SLC5A9: variants seen among roughly 807,000 people sequenced by gnomAD.
SLC5A9 encodes sodium/glucose cotransporter 4.
Under a neutral mutation model 70.9 loss-of-function variants are expected in SLC5A9, and 59 were observed. That is an observed-to-expected ratio of 0.83 (90% CI 0.68 to 1.03). The LOEUF (loss-of-function observed/expected upper bound fraction) is 1.03, where lower values mean the gene tolerates loss of function less well. Among genes scored for constraint, SLC5A9 ranks in the 50% least tolerant of loss-of-function variants. The pLI is 0.00. For synonymous variants in SLC5A9, 340 were observed against 346.5 expected, an observed-to-expected ratio of 0.98 and a Z score of 0.21; for missense variants, 832 against 881.1, an observed-to-expected ratio of 0.94 and a Z score of 0.71.
At position 48,230,660 on chromosome 1, in the gene SLC5A9, T is replaced by C; in HGVS notation, c.565T>C (p.Ser189Pro). The C allele has an allele frequency of 1.2e-6, 2 of 1,614,028 alleles. No individual in the cohort carries two copies. The highest frequency in any genetic ancestry group is 1.3e-5 in the African/African-American group (1 of 75,006). ...QMALGWNLYLSTGILLVVTAV... is the reference protein window; with the variant it reads ...QMALGWNLYLPTGILLVVTAV... Reference sequence around the variant, plus strand: ...GGCATTGGGCTGGAACCTGTACCTCTCCACAGGGATCCTGCTGGTGGTGAC... The same window carrying C: ...GGCATTGGGCTGGAACCTGTACCTCCCCACAGGGATCCTGCTGGTGGTGAC... Residue 189 changes from serine (S) to proline (P), a missense_variant, in exon 5 of 14, where the codon TCC (serine) becomes CCC (proline). Physicochemically the swap from Ser to Pro is moderately conservative, Grantham distance 74. Coordinates refer to ENST00000438567, the MANE Select transcript of SLC5A9 (RefSeq NM_001011547.3).
chr1:48,227,626 AGAGT>A (rs145394820), intron 2 of SLC5A9, among the ~76,000 whole-genome samples: 328 of 138,200 alleles, frequency 2.4e-3, no homozygotes, highest in Non-Finnish European at 2.2e-3. Context: ...TGCATGTGTG[AGAGT>A]GTGTGTGTAC....
chr1:48,235,862 G>A lies in SLC5A9; in HGVS notation c.1275G>A (p.Glu425=). The A allele has an allele frequency of 6.2e-7, 1 of 1,614,186 alleles. No individual in the cohort carries two copies. Among genetic ancestry groups the A allele is most frequent in the Non-Finnish European group, 8.5e-7 (1 of 1,180,048 alleles). The change falls in exon 10 of 14, where the codon GAG becomes GAA. Residue 425 remains glutamate (E), a synonymous_variant. Coordinates refer to ENST00000438567, the MANE Select transcript of SLC5A9 (RefSeq NM_001011547.3). ...TCCGCAGGAAGTCAACAGAGCAGGA[G>A]CTGATGGTGGTGGGCAGGTGCGCCG... ...QRFRRKSTEQ[E]LMVVGRVFVV... is the part of the protein sequence containing the mutation.
At chr1:48,226,693 C>G (rs1390383941) in intron 2 of SLC5A9, among the ~76,000 whole-genome samples, 1 of 152,198 alleles carries the variant, frequency 6.6e-6, no homozygotes, top group African/African-American at 2.4e-5. Flanking sequence ...CCGTCCTCTT[C>G]CAGAGAGGTC....
At position 48,222,912 on chromosome 1, in the gene SLC5A9, G is replaced by A. The variant is rs758470692; in HGVS notation, c.162+14G>A. 6.2e-7 allele frequency: 1 copy of A among 1,613,684 alleles called. No individual in the cohort carries two copies. Among genetic ancestry groups the A allele is most frequent in the Admixed American group, 1.7e-5 (1 of 60,000 alleles). On this transcript the variant is annotated intron_variant, in intron 1 of 13. Transcript: ENST00000438567. ...GTGGGGATCTGGGTAAGTGGGCCCTGAGGCTGGGGCTAGCAGGGGAGGTAG... is the reference window on the plus strand; with the variant it reads ...GTGGGGATCTGGGTAAGTGGGCCCTAAGGCTGGGGCTAGCAGGGGAGGTAG...
chr1:48,230,529 A>C (rs1569829355), intron 4 of SLC5A9, 71 bp from the exon 5 acceptor site: 3 of 979,638 alleles, frequency 3.1e-6, no homozygotes, highest in Non-Finnish European at 4.9e-6. Flanking sequence ...CTGGGCAGGC[A>C]GGTGATGTGT....
At position 48,224,777 on chromosome 1, in the gene SLC5A9, G is replaced by T. The variant is rs376518317; in HGVS notation, c.216G>T (p.Arg72Ser). The T allele has an allele frequency of 3.5e-5, 56 of 1,613,940 alleles. No homozygotes were observed. Among genetic ancestry groups the T allele is most frequent in the Non-Finnish European group, 4.6e-5 (54 of 1,180,018 alleles). ...GTIGGYFLAG[R>S]SMSWWPIGAS... is the part of the protein sequence containing the mutation. ...TTGGCGGCTATTTCCTGGCCGGGAG[G>T]TCCATGAGCTGGTGGCCAGTGAGTT... Residue 72 changes from arginine to serine, a missense_variant, in exon 2 of 14, where the codon AGG (arginine) becomes AGT (serine). Physicochemically the swap from Arg to Ser is moderately radical, Grantham distance 110 (BLOSUM62 -1). Coordinates refer to ENST00000438567, the MANE Select transcript of SLC5A9 (RefSeq NM_001011547.3).
chr1:48,247,631 C>A lies in SLC5A9; in HGVS notation c.*88C>A. 1 of 1,359,936 alleles carries A rather than the reference C, an allele frequency of 7.4e-7. No individual in the cohort carries two copies. The highest frequency in any genetic ancestry group is 1.8e-4 in the Middle Eastern group (1 of 5,494). The allele number at this position is 1,359,936 out of a possible 1,614,324, so 84.2% of individuals were successfully genotyped here. On this transcript the variant is annotated 3_prime_UTR_variant, in exon 14 of 14. Transcript: ENST00000438567. ...ACAGGCTCTCCTCTTACTTTGCTGT[C>A]TAAACTGGAGATCACAGAAGTCAAG... is the stretch of plus-strand genomic sequence containing the variant.
intron 1 of SLC5A9, among the ~76,000 whole-genome samples, chr1:48,223,152 G>A (rs11807747): frequency 6.6e-6 from 1 of 152,064 alleles, no homozygotes; most frequent in East Asian, 1.9e-4. Flanking sequence ...TCCTCTCTGA[G>A]CACCTGCTGC....
At position 48,237,903 on chromosome 1, in the gene SLC5A9, G is replaced by C. The variant is rs973451264; in HGVS notation, c.1461+56G>C. On this transcript the variant is annotated intron_variant, in intron 11 of 13. Transcript: ENST00000438567. The stretch of plus-strand genomic sequence containing the variant: ...AGCAGAGGGGCTGGAGACCTGGTCT[G>C]TCAATCACCTGGTCTCTGTGACCTT... The C allele has an allele frequency of 1.9e-5, 30 of 1,564,252 alleles. No homozygotes were observed. In the African/African-American group the frequency reaches 3.2e-4, roughly 17 times the overall value.
At chr1:48,246,798 G>A (rs1276881777) in intron 13 of SLC5A9, among the ~76,000 whole-genome samples, 1 of 152,206 alleles carries the variant, frequency 6.6e-6, no homozygotes, top group African/African-American at 2.4e-5. Context: ...TGATACATTT[G>A]AGACAGAAAG....
At chr1:48,229,666 G>A (rs1644220377) in intron 4 of SLC5A9, 2 of 646,528 alleles carry the variant, frequency 3.1e-6, no homozygotes, top group Non-Finnish European at 5.0e-6. Context: ...GTGAATGACA[G>A]CCCCTACACT....
intron 13 of SLC5A9, among the ~76,000 whole-genome samples, chr1:48,244,878 G>GTGTGTGTATATATA (rs1391896495): frequency 5.4e-4 from 16 of 29,402 alleles, no homozygotes; most frequent in African/African-American, 1.0e-3. Flanking sequence ...ATGTGTATGT[G>GTGTGTGTATATATA]TATATATATA....
In SLC5A9 at chr1:48,242,609, G is replaced by A; in HGVS notation, c.1830G>A (p.Gln610=). ...AGAACTCGAGCCTGGGCCAGGAGCA[G>A]CCTGAAGGTAGGCTGCGGCAGGCCG... The part of the protein sequence containing the change: ...AAENSSLGQE[Q]PEAPSRSWGK... The change falls in exon 13 of 14, where the codon CAG becomes CAA. Residue 610 remains glutamine, a synonymous_variant. Coordinates refer to ENST00000438567, the MANE Select transcript of SLC5A9 (RefSeq NM_001011547.3). The A allele has an allele frequency of 6.2e-7, 1 of 1,609,920 alleles. No individual in the cohort carries two copies. The highest frequency in any genetic ancestry group is 1.3e-5 in the African/African-American group (1 of 74,960).
intron 5 of SLC5A9, 23 bp from the exon 6 acceptor site, chr1:48,231,522 G>A (rs752742028): frequency 1.7e-5 from 27 of 1,612,956 alleles, no homozygotes; most frequent in Non-Finnish European, 2.1e-5. Context: ...GCTGACTGAT[G>A]AGCCCTCTCC....
intron 9 of SLC5A9, among the ~76,000 whole-genome samples, chr1:48,235,306 A>G (rs1257662267): frequency 6.6e-6 from 1 of 152,206 alleles, no homozygotes; most frequent in East Asian, 1.9e-4. Context: ...CACTAAACAG[A>G]TCCACCCAAT....
intron 2 of SLC5A9, among the ~76,000 whole-genome samples, chr1:48,227,317 TGG>T (rs1644171475): frequency 6.9e-6 from 1 of 144,704 alleles, no homozygotes; most frequent in African/African-American, 2.5e-5. Context: ...TGTGCCTGTG[TGG>T]GCGTGAGTGC....
intron 1 of SLC5A9, 138 bp from the exon 2 acceptor site, chr1:48,224,586 C>T: frequency 1.3e-6 from 1 of 756,540 alleles, no homozygotes; most frequent in Non-Finnish European, 2.3e-6. Flanking sequence ...CAGCCTCAGG[C>T]AGCTCTCTTC....
At position 48,222,860 on chromosome 1, in the gene SLC5A9, G is replaced by C. The variant is rs1180664882; in HGVS notation, c.124G>C (p.Val42Leu). 6 of 1,614,042 alleles carry C rather than the reference G, an allele frequency of 3.7e-6. No homozygotes were observed. Among genetic ancestry groups the C allele is most frequent in the Non-Finnish European group, 4.2e-6 (5 of 1,180,024 alleles). ...GCACGCCTACGACATCAGCGTGGTG[G>C]TCATCTACTTTGTCTTCGTCATTGC... ...GLHAYDISVV[V>L]IYFVFVIAVG... The change falls in exon 1 of 14, where the codon GTC becomes CTC. Residue 42 changes from valine to leucine, a missense_variant. Physicochemically the swap from Val to Leu is conservative, Grantham distance 32. Transcript: ENST00000438567.
intron 3 of SLC5A9, 166 bp from the exon 4 acceptor site, chr1:48,229,129 C>T (rs776854491): frequency 2.5e-6 from 4 of 1,613,954 alleles, no homozygotes; most frequent in Non-Finnish European, 3.4e-6. Context: ...CTGGAGGAGA[C>T]AGAGGGATCC....
Sources: allele counts gnomAD v4.1 joint callset (sites outside exome capture counted in the v4.1 genomes callset), GRCh38; gene constraint gnomAD v4.1.1; transcripts MANE v1.5; gene names NCBI Gene and HGNC (gene_info 2026-07-23, HGNC 2026-07-21).